The following ITFG2 variants were observed in gnomAD, a reference collection of about 807,000 sequenced individuals.
The protein encoded by ITFG2 is integrin alpha FG-GAP repeat containing 2, also known as KICSTOR complex protein ITFG2.
ITFG2 carries 36 observed loss-of-function variants against 54.4 expected under a neutral mutation model. The observed-to-expected ratio is 0.66, with a 90% CI of 0.51 to 0.87. ITFG2 has a LOEUF of 0.87. Among genes scored for constraint, ITFG2 ranks in the 40% least tolerant of loss-of-function variants. The probability of loss-of-function intolerance (pLI) is 0.00; values close to 1 mark genes in which losing one functional copy is unlikely to be tolerated. For missense variants in ITFG2, 524 were observed against 576.7 expected (o/e 0.91, Z 0.94); for synonymous variants, 211 against 225.4 (o/e 0.94, Z 0.57).
At chr12:2,827,556 G>A (rs369634091), downstream of ITFG2, 16 of 1,610,446 alleles carry the variant, frequency 9.9e-6, no homozygotes, top group Non-Finnish European at 1.4e-5. This position sits in a 1 kb window ranked among gnomAD's most constrained non-coding sequence, Gnocchi z 4.0. Context: ...ACCTGGTCCA[G>A]GTTCCACACC....
At chr12:2,823,622 C>A in intron 10 of ITFG2, 148 bp from the exon 11 acceptor site, 1 of 1,001,812 alleles carries the variant, frequency 1.0e-6, no homozygotes. Context: ...TACTGAGTTC[C>A]CAACAGAGAA....
At position 2,855,611 on chromosome 12, in the gene ITFG2, C is replaced by T. The variant is rs935917832; in HGVS notation, n.301-2401C>T. Among the ~76,000 whole-genome samples the T allele has an allele frequency of 3.3e-5, 5 of 152,206 alleles. No individual in the cohort carries two copies. The South Asian group carries it at 6.2e-4, about 19-fold the overall frequency. On this transcript the variant is annotated intron_variant and non_coding_transcript_variant, in intron 2 of 3. Coordinates refer to the ITFG2 transcript ENST00000537710. ...GCCGCATCTCCATCCCTCTCCTTCC[C>T]GGCGGAAGTTATGGCTGCTGCGTAT...
rs571899643 is a variant in ITFG2 at position 2,838,223 on chromosome 12, C to T, written n.146+1267C>T. On this transcript the variant is annotated intron_variant and non_coding_transcript_variant, in intron 1 of 3. Transcript: ENST00000537710. ...TGATAGATTATTGAGTGACACACAGCGTGATGCTGGGCAGGCCCCAAGCTG... is the reference window on the plus strand; with the variant it reads ...TGATAGATTATTGAGTGACACACAGTGTGATGCTGGGCAGGCCCCAAGCTG... Among the ~76,000 whole-genome samples the T allele has an allele frequency of 1.2e-3, 184 of 152,308 alleles. 3 individuals are homozygous for T. The highest frequency in any genetic ancestry group is 5.6e-3 in the Admixed American group (85 of 15,300).
intron 3 of ITFG2, chr12:2,859,510 C>A (rs2098104718): frequency 6.2e-7 from 1 of 1,613,888 alleles, no homozygotes; most frequent in African/African-American, 1.3e-5. Context: ...ATGGGTCTCG[C>A]TAAGTGTGGC....
chr12:2,855,148 A>G, intron 2 of ITFG2: 1 of 1,528,770 alleles, frequency 6.5e-7, no homozygotes, highest in East Asian at 2.5e-5. Flanking sequence ...GGAGTCGGTC[A>G]GCCAGCGCCA....
upstream of ITFG2, among the ~76,000 whole-genome samples, chr12:2,834,424 C>T (rs541476470): frequency 3.9e-5 from 6 of 152,256 alleles, no homozygotes; most frequent in South Asian, 1.2e-3. Context: ...AAAAGGGAAG[C>T]CAAGCAATGA....
chr12:2,827,993 TG>T (rs750952502), downstream of ITFG2: 1 of 1,614,196 alleles, frequency 6.2e-7, no homozygotes, highest in East Asian at 2.2e-5. This position sits in a 1 kb window ranked among gnomAD's most constrained non-coding sequence, Gnocchi z 4.0. Context: ...CCACCTGGGT[TG>T]GGGGCCCAGG....
downstream of ITFG2, among the ~76,000 whole-genome samples, chr12:2,831,520 G>A (rs2098002770): frequency 6.6e-6 from 1 of 151,748 alleles, no homozygotes; most frequent in Non-Finnish European, 1.5e-5. Flanking sequence ...GAAGGCAGAG[G>A]TTGCAATGAG....
intron 3 of ITFG2, chr12:2,859,265 C>A (rs114608193): frequency 6.2e-7 from 1 of 1,613,638 alleles, no homozygotes; most frequent in African/African-American, 1.3e-5. Flanking sequence ...CCGGCTCATC[C>A]ACACAGGGAG....
downstream of ITFG2, chr12:2,828,406 G>C: frequency 6.2e-7 from 1 of 1,613,938 alleles, no homozygotes; most frequent in Non-Finnish European, 8.5e-7. Context: ...TAAGCAGCTG[G>C]TCCTGGCACT....
chr12:2,823,048 C>G, intron 10 of ITFG2, 137 bp downstream of exon 10: 1 of 675,166 alleles, frequency 1.5e-6, no homozygotes, highest in Non-Finnish European at 2.6e-6. Flanking sequence ...CCAGTGAGTT[C>G]TTCAGCTCTT....
chr12:2,815,921 A>G (rs2097920276), intron 1 of ITFG2, among the ~76,000 whole-genome samples: 3 of 152,070 alleles, frequency 2.0e-5, no homozygotes, highest in South Asian at 2.1e-4. Context: ...CTGGACTGCA[A>G]TGGCACGATC....
At chr12:2,842,719 G>A (rs1375452009) in intron 2 of ITFG2, among the ~76,000 whole-genome samples, 2 of 152,094 alleles carry the variant, frequency 1.3e-5, no homozygotes, top group Non-Finnish European at 2.9e-5. Flanking sequence ...GTTACAGAGT[G>A]AGACCCTGTC....
intron 2 of ITFG2, chr12:2,854,945 G>A (rs574262393): frequency 1.5e-5 from 23 of 1,536,148 alleles, no homozygotes; most frequent in East Asian, 9.8e-5. Flanking sequence ...TCGAGTGGGG[G>A]TGCTCTTGCC....
upstream of ITFG2, chr12:2,835,125 G>C (rs2153926600): frequency 2.8e-6 from 4 of 1,435,908 alleles, no homozygotes; most frequent in South Asian, 3.0e-5. Context: ...CCCAACGCTG[G>C]GGTCCTGGTC....
intron 2 of ITFG2, among the ~76,000 whole-genome samples, chr12:2,841,980 G>A (rs1379149988): frequency 3.3e-5 from 5 of 151,774 alleles, no homozygotes; most frequent in African/African-American, 1.2e-4. Context: ...GCCTCCCAAA[G>A]TGCTGGGATT....
Position 2,824,050 on chromosome 12 carries a change from G to A in ITFG2, c.1241-40G>A, listed in dbSNP as rs538489629. ...AAAAGCCAGTGGCCCGGGTGCCCAG[G>A]AGACCCACAGCCTCTTACCCACCCC... On this transcript the variant is annotated intron_variant, in intron 11 of 11. Coordinates refer to ENST00000228799, the MANE Select transcript of ITFG2 (RefSeq NM_018463.4). The A allele has an allele frequency of 6.3e-5, 101 of 1,613,900 alleles. 2 individuals are homozygous for A. In the South Asian group the frequency reaches 1.0e-3, roughly 16 times the overall value.
chr12:2,829,264 A>G (rs776141602), downstream of ITFG2, among the ~76,000 whole-genome samples: 2 of 151,254 alleles, frequency 1.3e-5, no homozygotes, highest in Admixed American at 6.6e-5. Context: ...CGCTATTGGA[A>G]ACAAAGGAAG....
intron 2 of ITFG2, among the ~76,000 whole-genome samples, chr12:2,841,981 T>TA (rs2098042202): frequency 6.6e-6 from 1 of 151,966 alleles, no homozygotes; most frequent in Non-Finnish European, 1.5e-5. Context: ...CCTCCCAAAG[T>TA]GCTGGGATTA....
Sources: allele counts gnomAD v4.1 joint callset (sites outside exome capture counted in the v4.1 genomes callset), GRCh38; gene constraint gnomAD v4.1.1; non-coding constraint Gnocchi (gnomAD v3.1); transcripts MANE v1.5; gene names NCBI Gene and HGNC (gene_info 2026-07-23, HGNC 2026-07-21).